TBXAS1: variants seen among roughly 807,000 people sequenced by gnomAD.
TBXAS1 encodes thromboxane A synthase 1.
A neutral mutation model predicts 60.7 loss-of-function variants in TBXAS1; 48 were observed. The ratio of observed to expected loss-of-function variants is 0.79; its 90% CI spans 0.63 to 1.01. TBXAS1 has a LOEUF of 1.01. Ranked by LOEUF, TBXAS1 falls within the 50% of genes least tolerant of loss-of-function variation. The probability of loss-of-function intolerance (pLI) is 0.00; values close to 1 mark genes in which losing one functional copy is unlikely to be tolerated. For missense variants in TBXAS1, 685 were observed against 686.3 expected (o/e 1.00, Z 0.02); for synonymous variants, 287 against 269.7 (o/e 1.06, Z -0.63).
In TBXAS1 at chr7:139,905,005, C is replaced by CTCTTTCTTTCTTTCTTTCTT. The variant is rs775007248; in HGVS notation, c.237-6184_237-6165dup. 1.1e-3 allele frequency among the ~76,000 whole-genome samples: 95 copies of CTCTTTCTTTCTTTCTTTCTT among 90,466 alleles called. 1 individual carries two copies. Among genetic ancestry groups the CTCTTTCTTTCTTTCTTTCTT allele is most frequent in the South Asian group, 1.6e-3 (4 of 2,544 alleles). The allele number at this position is 90,466 out of a possible 152,430, so 59.3% of individuals were successfully genotyped here. A position where few individuals can be genotyped will look rare whatever the true frequency, so the allele number is the denominator to read the frequency against. On this transcript the variant is annotated intron_variant, in intron 3 of 12. Coordinates refer to ENST00000448866, the MANE Select transcript of TBXAS1 (RefSeq NM_001061.7). ...TCTCTTTCTCTCTTTCTCTCTTTCTCTCTTTCTTTCTTTCTTTCTTTCTTT... is the reference window on the plus strand; with the variant it reads ...TCTCTTTCTCTCTTTCTCTCTTTCTCTCTTTCTTTCTTTCTTTCTTTCTTTCTTTCTTTCTTTCTTTCTTT...
intron 9 of TBXAS1, among the ~76,000 whole-genome samples, chr7:139,995,096 C>A (rs1813199941): frequency 6.6e-6 from 1 of 152,144 alleles, no homozygotes; most frequent in African/African-American, 2.4e-5. Context: ...TCTGAAGACT[C>A]CTGGGCTTTA....
intron 5 of TBXAS1, among the ~76,000 whole-genome samples, chr7:139,948,528 C>A (rs1808932315): frequency 6.6e-6 from 1 of 152,058 alleles, no homozygotes; most frequent in South Asian, 2.1e-4. Context: ...TTTTTTAAAC[C>A]TAATAACATT....
upstream of TBXAS1, among the ~76,000 whole-genome samples, chr7:139,824,824 C>T (rs925145454): frequency 7.9e-6 from 1 of 127,112 alleles, no homozygotes; most frequent in Non-Finnish European, 1.6e-5. Context: ...TTTTCTTTTC[C>T]TTTTCTTTTT....
intron 4 of TBXAS1, among the ~76,000 whole-genome samples, chr7:139,818,753 A>G (rs1196508246): frequency 6.6e-6 from 1 of 152,160 alleles, no homozygotes; most frequent in Non-Finnish European, 1.5e-5. Context: ...AGTAGAAACC[A>G]CGTTCTCAGA....
chr7:139,843,742 A>G (rs916632732), intron 1 of TBXAS1, among the ~76,000 whole-genome samples: 7 of 152,230 alleles, frequency 4.6e-5, no homozygotes, highest in Non-Finnish European at 4.4e-5. Flanking sequence ...TGCCCTCTAC[A>G]TAGTAGCTGC....
chr7:139,780,621 GA>G (rs1314812256), intron 1 of TBXAS1: 2 of 154,400 alleles, frequency 1.3e-5, no homozygotes, highest in African/African-American at 4.8e-5. Context: ...GGCTGGGTTA[GA>G]TTAGAGAGAG....
At chr7:139,800,147 A>G (rs557327690) in intron 4 of TBXAS1, among the ~76,000 whole-genome samples, 1 of 152,314 alleles carries the variant, frequency 6.6e-6, no homozygotes, top group South Asian at 2.1e-4. Context: ...ACCTCCTGAC[A>G]GTTCCTGCTC....
chr7:140,006,945 T>C, intron 9 of TBXAS1, 146 bp from the exon 10 acceptor site: 1 of 799,320 alleles, frequency 1.3e-6, no homozygotes. Flanking sequence ...AGATGCAATT[T>C]GGGTCATACC....
At chr7:140,012,878 TGTAG>T (rs1814729667) in intron 10 of TBXAS1, among the ~76,000 whole-genome samples, 1 of 152,190 alleles carries the variant, frequency 6.6e-6, no homozygotes, top group Middle Eastern at 3.2e-3. Context: ...GAATGTTGCA[TGTAG>T]GTCTGAAGAG....
intron 4 of TBXAS1, among the ~76,000 whole-genome samples, chr7:139,814,778 C>G (rs932779148): frequency 2.0e-5 from 3 of 152,154 alleles, no homozygotes; most frequent in Non-Finnish European, 2.9e-5. Context: ...TGCCCAGAGT[C>G]TCTGTGTGGT....
chr7:139,985,527 C>T (rs1812385851), intron 9 of TBXAS1, among the ~76,000 whole-genome samples: 1 of 152,188 alleles, frequency 6.6e-6, no homozygotes, highest in African/African-American at 2.4e-5. Flanking sequence ...TTATTGTAAC[C>T]CTGTAGACTG....
chr7:139,808,648 T>A (rs1797938618), intron 4 of TBXAS1, among the ~76,000 whole-genome samples: 1 of 152,114 alleles, frequency 6.6e-6, no homozygotes, highest in African/African-American at 2.4e-5. Context: ...CGACATCTGG[T>A]CAATACTTAT....
intron 9 of TBXAS1, among the ~76,000 whole-genome samples, chr7:139,994,767 T>C: frequency 6.6e-6 from 1 of 152,328 alleles, no homozygotes; most frequent in Non-Finnish European, 1.5e-5. Context: ...TGCAGGTTCT[T>C]AGAGTTGGTA....
intron 3 of TBXAS1, among the ~76,000 whole-genome samples, chr7:139,895,705 C>G (rs2116957822): frequency 6.6e-6 from 1 of 152,338 alleles, no homozygotes; most frequent in East Asian, 1.9e-4. Context: ...AACTCTAGTT[C>G]AAATGAAGTT....
chr7:140,015,900 A>T, intron 11 of TBXAS1, 40 bp downstream of exon 11: 1 of 1,612,088 alleles, frequency 6.2e-7, no homozygotes, highest in Non-Finnish European at 8.5e-7. Context: ...AAGGGATGTG[A>T]GTGTGTGGGA....
intron 1 of TBXAS1, among the ~76,000 whole-genome samples, chr7:139,842,467 G>A (rs557132599): frequency 1.1e-4 from 17 of 152,270 alleles, no homozygotes; most frequent in Admixed American, 9.8e-4. Context: ...AGGGAAGTAC[G>A]CGGTCTATGG....
rs1458660441 is a variant in TBXAS1 at position 139,910,476 on chromosome 7, A to C, written c.237-749A>C. ...ACAAGGTGAAACGCTGTCTCTACTA[A>C]AAATACAAAACTTAGCTGGGCATGG... On this transcript the variant is annotated intron_variant, in intron 3 of 12. Coordinates refer to ENST00000448866, the MANE Select transcript of TBXAS1 (RefSeq NM_001061.7). 2.0e-5 allele frequency among the ~76,000 whole-genome samples: 3 copies of C among 152,120 alleles called. 1 individual carries two copies. The highest frequency in any genetic ancestry group is 4.4e-5 in the Non-Finnish European group (3 of 68,020).
intron 8 of TBXAS1, among the ~76,000 whole-genome samples, chr7:139,959,963 G>A (rs778657471): frequency 3.9e-5 from 6 of 152,102 alleles, no homozygotes; most frequent in Non-Finnish European, 8.8e-5. Flanking sequence ...CCACACCAGC[G>A]CCCATTGACC....
intron 4 of TBXAS1, among the ~76,000 whole-genome samples, chr7:139,920,816 C>T (rs1222092941): frequency 6.6e-6 from 1 of 152,176 alleles, no homozygotes; most frequent in Admixed American, 6.5e-5. Context: ...TTCCTGAGAC[C>T]AGGCACTGCT....
Sources: gnomAD v4.1 joint callset for allele counts (sites outside exome capture counted in the v4.1 genomes callset) on GRCh38, gnomAD v4.1.1 for gene constraint, MANE v1.5 for transcripts, NCBI Gene and HGNC (gene_info 2026-07-23, HGNC 2026-07-21) for gene names.